The following TMEM117 variants were observed in gnomAD, a reference collection of about 807,000 sequenced individuals.
TMEM117 encodes transmembrane protein 117.
A neutral mutation model predicts 52.4 loss-of-function variants in TMEM117; 27 were observed. The ratio of observed to expected loss-of-function variants is 0.51; its 90% CI spans 0.38 to 0.71. The LOEUF is 0.71. Ranked by LOEUF, TMEM117 falls within the 30% of genes least tolerant of loss-of-function variation. TMEM117 has a pLI of 0.00. For synonymous variants in TMEM117, 215 were observed against 206.3 expected (o/e 1.04, Z -0.36); for missense variants, 556 against 630.5 (o/e 0.88, Z 1.26).
chr12:43,807,447 T>A, the TMEM117 span, among the ~76,000 whole-genome samples: 698 of 152,306 alleles, frequency 4.6e-3, 8 homozygotes, highest in African/African-American at 0.016. Flanking sequence ...GTTTTATGAC[T>A]TGTATGGATT....
chr12:44,208,953 A>G (rs1174280812), intron 4 of TMEM117, among the ~76,000 whole-genome samples: 1 of 152,056 alleles, frequency 6.6e-6, no homozygotes, highest in Non-Finnish European at 1.5e-5. Context: ...GGAAATATTT[A>G]TTACCATGTT....
intron 4 of TMEM117, among the ~76,000 whole-genome samples, chr12:44,176,031 T>C (rs565729253): frequency 2.6e-5 from 4 of 152,264 alleles, no homozygotes; most frequent in Admixed American, 2.0e-4. Flanking sequence ...AAAAATAAAA[T>C]AGAAGCTCAA....
intron 3 of TMEM117, among the ~76,000 whole-genome samples, chr12:43,992,124 C>G (rs1945952454): frequency 6.6e-6 from 1 of 151,792 alleles, no homozygotes; most frequent in Non-Finnish European, 1.5e-5. Flanking sequence ...GATCGCACCA[C>G]TGCACTCCAG....
chr12:43,896,780 G>T (rs140933907), intron 2 of TMEM117, among the ~76,000 whole-genome samples: 1 of 152,268 alleles, frequency 6.6e-6, no homozygotes, highest in African/African-American at 2.4e-5. Context: ...TCCAAGGCTG[G>T]TGAACTCAAT....
At chr12:44,117,350 T>C (rs1948162280) in intron 3 of TMEM117, among the ~76,000 whole-genome samples, 1 of 152,168 alleles carries the variant, frequency 6.6e-6, no homozygotes, top group African/African-American at 2.4e-5. Flanking sequence ...TACTGTTTTT[T>C]TTTCTTTAAT....
rs143738099 is a variant in TMEM117 at position 43,882,332 on chromosome 12, C to G, written c.277+37404C>G. On this transcript the variant is annotated intron_variant, in intron 2 of 7. Coordinates refer to ENST00000266534, the MANE Select transcript of TMEM117 (RefSeq NM_032256.3). ...AACATTAGCCAGGCTTGGTGGCAGG[C>G]ACCTGTAATCCCAGCTACTCAGGAG... 7.7e-3 allele frequency among the ~76,000 whole-genome samples: 1,156 copies of G among 151,066 alleles called. 12 individuals are homozygous for G. The highest frequency in any genetic ancestry group is 0.026 in the African/African-American group (1,052 of 41,126).
chr12:44,015,618 T>G (rs1946362646), intron 3 of TMEM117, among the ~76,000 whole-genome samples: 1 of 152,296 alleles, frequency 6.6e-6, no homozygotes. Context: ...AAGTCCTCAA[T>G]TACCGACATG....
intron 5 of TMEM117, among the ~76,000 whole-genome samples, chr12:44,284,335 A>T (rs116972016): frequency 6.6e-6 from 1 of 151,902 alleles, no homozygotes; most frequent in Non-Finnish European, 1.5e-5. Flanking sequence ...AAAAAAAGTG[A>T]CTTTCACCTC....
chr12:44,262,781 G>T (rs1950335118), intron 5 of TMEM117, among the ~76,000 whole-genome samples: 1 of 152,130 alleles, frequency 6.6e-6, no homozygotes, highest in African/African-American at 2.4e-5. Context: ...TAGAGATGGG[G>T]TTTCACCATG....
chr12:44,030,281 CT>C (rs1302322140), intron 3 of TMEM117, among the ~76,000 whole-genome samples: 1 of 152,204 alleles, frequency 6.6e-6, no homozygotes, highest in African/African-American at 2.4e-5. Context: ...GCTTCTTTGA[CT>C]TTTGAAAATT....
intron 2 of TMEM117, among the ~76,000 whole-genome samples, chr12:43,865,723 AACT>A (rs1226472570): frequency 6.6e-6 from 1 of 151,698 alleles, no homozygotes; most frequent in Non-Finnish European, 1.5e-5. Flanking sequence ...AAAAAAAAAA[AACT>A]AATATAGACT....
intron 4 of TMEM117, among the ~76,000 whole-genome samples, chr12:44,152,456 T>TTATATA (rs1257805842): frequency 8.7e-6 from 1 of 115,310 alleles, no homozygotes; most frequent in Non-Finnish European, 1.6e-5. Context: ...ATATAAAAAT[T>TTATATA]TTTATATCTA....
intron 3 of TMEM117, among the ~76,000 whole-genome samples, chr12:43,946,815 A>G (rs1377337974): frequency 6.6e-6 from 1 of 152,244 alleles, no homozygotes; most frequent in Admixed American, 6.5e-5. Flanking sequence ...TTAGGAAATA[A>G]GAGAATAGTT....
intron 5 of TMEM117, among the ~76,000 whole-genome samples, chr12:44,279,515 C>CTTT (rs769225066): frequency 2.9e-5 from 4 of 137,262 alleles, no homozygotes; most frequent in African/African-American, 1.1e-4. Context: ...TTCTTTTCTT[C>CTTT]TTTTTTTTTT....
chr12:44,186,521 G>A (rs1207053353), intron 4 of TMEM117, among the ~76,000 whole-genome samples: 6 of 152,140 alleles, frequency 3.9e-5, no homozygotes, highest in East Asian at 1.9e-4. Flanking sequence ...TGTGTCACAC[G>A]TAACCAGTTT....
chr12:44,218,584 C>G (rs956632467), intron 5 of TMEM117, among the ~76,000 whole-genome samples: 1 of 152,174 alleles, frequency 6.6e-6, no homozygotes, highest in Admixed American at 6.6e-5. Context: ...GTTGCTCACT[C>G]TCCCCCACTT....
intron 6 of TMEM117, among the ~76,000 whole-genome samples, chr12:44,361,625 G>A (rs1424931733): frequency 6.6e-6 from 1 of 152,088 alleles, no homozygotes; most frequent in Admixed American, 6.6e-5. Context: ...ATCTACTATT[G>A]TGCTAAGGAC....
intron 3 of TMEM117, among the ~76,000 whole-genome samples, chr12:44,021,723 G>A (rs1946458208): frequency 6.6e-6 from 1 of 152,192 alleles, no homozygotes; most frequent in Admixed American, 6.5e-5. Context: ...AACCCAAATA[G>A]TTTGCTGCTG....
intron 2 of TMEM117, among the ~76,000 whole-genome samples, chr12:43,905,479 A>G (rs1944370833): frequency 6.6e-6 from 1 of 151,964 alleles, no homozygotes; most frequent in Admixed American, 6.6e-5. Flanking sequence ...GATTATATTA[A>G]CTGTTAGTCA....
Sources: gnomAD v4.1 joint callset for allele counts (sites outside exome capture counted in the v4.1 genomes callset) on GRCh38, gnomAD v4.1.1 for gene constraint, MANE v1.5 for transcripts, NCBI Gene and HGNC (gene_info 2026-07-23, HGNC 2026-07-21) for gene names.